XPNPEP3: variants seen among roughly 807,000 people sequenced by gnomAD.
XPNPEP3 encodes the protein X-prolyl aminopeptidase 3.
In XPNPEP3, 41 loss-of-function variants were observed where a neutral mutation model predicts 60.0. The ratio of observed to expected loss-of-function variants is 0.68; its 90% CI spans 0.53 to 0.89. The LOEUF is 0.89. Among genes scored for constraint, XPNPEP3 ranks in the 40% least tolerant of loss-of-function variants. The pLI is 0.00. For synonymous variants in XPNPEP3, 212 were observed against 223.2 expected, an observed-to-expected ratio of 0.95 and a Z score of 0.45; for missense variants, 598 against 638.9, an observed-to-expected ratio of 0.94 and a Z score of 0.69.
chr22:40,863,230 T>C (rs1333121603), intron 1 of XPNPEP3, among the ~76,000 whole-genome samples: 2 of 152,222 alleles, frequency 1.3e-5, no homozygotes, highest in African/African-American at 4.8e-5. Flanking sequence ...ATTTGGAAAT[T>C]CAGTCATGTA....
intron 1 of XPNPEP3, among the ~76,000 whole-genome samples, chr22:40,858,224 G>T (rs1363801044): frequency 1.3e-5 from 2 of 152,078 alleles, no homozygotes; most frequent in African/African-American, 2.4e-5. Flanking sequence ...TCGTGCCTCA[G>T]CCTCCCGAGG....
chr22:40,926,517 T>C lies in XPNPEP3; in HGVS notation c.*82T>C. 6.7e-7 allele frequency: 1 copy of C among 1,490,196 alleles called. No individual in the cohort carries two copies. The highest frequency in any genetic ancestry group is 1.4e-5 in the African/African-American group (1 of 72,502). The allele number at this position is 1,490,196 out of a possible 1,614,324, so 92.3% of individuals were successfully genotyped here. On this transcript the variant is annotated 3_prime_UTR_variant, in exon 10 of 10. Coordinates refer to ENST00000357137, the MANE Select transcript of XPNPEP3 (RefSeq NM_022098.4). ...TGCACGTGTGCTTTCTGAGTGTCTC[T>C]GTGTGTGCATTAATATATGCATTCC...
At chr22:40,925,215 A>G (rs897917015) in intron 9 of XPNPEP3, among the ~76,000 whole-genome samples, 3 of 152,202 alleles carry the variant, frequency 2.0e-5, no homozygotes, top group African/African-American at 7.2e-5. Context: ...CGCCTTCCTC[A>G]TAAGCTTCAG....
chr22:40,903,947 C>T (rs2058144929), intron 4 of XPNPEP3, among the ~76,000 whole-genome samples: 1 of 151,992 alleles, frequency 6.6e-6, no homozygotes, highest in South Asian at 2.1e-4. Context: ...TGCTTTTTCT[C>T]TCTACTCTCC....
At chr22:40,886,661 T>TA (rs2058070098) in intron 4 of XPNPEP3, 146 bp downstream of exon 4, 2 of 678,130 alleles carry the variant, frequency 2.9e-6, no homozygotes, top group Non-Finnish European at 2.5e-6. Flanking sequence ...CCGTCTCTAC[T>TA]AAAAAAACAT....
At chr22:40,915,668 A>G (rs1407654639) in intron 7 of XPNPEP3, among the ~76,000 whole-genome samples, 2 of 152,182 alleles carry the variant, frequency 1.3e-5, no homozygotes, top group Non-Finnish European at 2.9e-5. Context: ...TTATTGATTT[A>G]AGATATCAAA....
intron 1 of XPNPEP3, chr22:40,861,914 T>C (rs1366058609): frequency 6.2e-7 from 1 of 1,613,888 alleles, no homozygotes; most frequent in South Asian, 1.1e-5. Context: ...GCCATTTAAG[T>C]GCCACTTTAT....
intron 9 of XPNPEP3, 146 bp from the exon 10 acceptor site, chr22:40,926,122 AT>A (rs2146283292): frequency 2.4e-6 from 2 of 822,408 alleles, no homozygotes; most frequent in East Asian, 5.0e-5. Flanking sequence ...GTATTATCTC[AT>A]TTAATCCTCA....
chr22:40,877,673 A>C (rs991739504), intron 2 of XPNPEP3, among the ~76,000 whole-genome samples: 1 of 152,152 alleles, frequency 6.6e-6, no homozygotes, highest in African/African-American at 2.4e-5. Flanking sequence ...TTCCATCTTA[A>C]GTGGTTCCAC....
intron 8 of XPNPEP3, among the ~76,000 whole-genome samples, chr22:40,922,785 C>T (rs573955828): frequency 6.6e-5 from 10 of 152,130 alleles, no homozygotes; most frequent in African/African-American, 2.2e-4. Flanking sequence ...TATATACATA[C>T]ACACACAGGG....
intron 4 of XPNPEP3, among the ~76,000 whole-genome samples, chr22:40,892,545 C>T (rs1427344897): frequency 6.6e-6 from 1 of 152,164 alleles, no homozygotes; most frequent in Admixed American, 6.5e-5. Flanking sequence ...TGGCCAGTTG[C>T]TCCTAGCCTG....
intron 3 of XPNPEP3, among the ~76,000 whole-genome samples, chr22:40,882,797 A>G (rs2058053632): frequency 6.6e-6 from 1 of 152,338 alleles, no homozygotes; most frequent in Non-Finnish European, 1.5e-5. Flanking sequence ...GTATAGTCAT[A>G]GAATTGTGCA....
At chr22:40,869,877 A>T (rs1010493689) in intron 2 of XPNPEP3, among the ~76,000 whole-genome samples, 4 of 152,232 alleles carry the variant, frequency 2.6e-5, no homozygotes, top group African/African-American at 9.7e-5. Context: ...TTCAAGGAAA[A>T]TTAATTGTTC....
At chr22:40,865,384 A>G (rs2145771614) in intron 1 of XPNPEP3, among the ~76,000 whole-genome samples, 1 of 145,246 alleles carries the variant, frequency 6.9e-6, no homozygotes. Flanking sequence ...GCTAGAGTAC[A>G]GTGGTGTGAT....
intron 2 of XPNPEP3, among the ~76,000 whole-genome samples, chr22:40,879,615 G>C (rs1243569439): frequency 6.6e-6 from 1 of 151,930 alleles, no homozygotes; most frequent in African/African-American, 2.4e-5. Flanking sequence ...GACTAGGCGG[G>C]CAGATCATTT....
In XPNPEP3 at chr22:40,860,626, G is replaced by A. The variant is rs895433887; in HGVS notation, c.64+3381G>A. On this transcript the variant is annotated intron_variant, in intron 1 of 9. Coordinates refer to ENST00000357137, the MANE Select transcript of XPNPEP3 (RefSeq NM_022098.4). ...AACTCTACTAAAGAAAAATTCAAAA[G>A]TAAAAAACTCATTGCAGTTTTCCAA... 2.4e-5 allele frequency: 31 copies of A among 1,272,366 alleles called. No individual in the cohort carries two copies. In the African/African-American group the frequency reaches 4.5e-4, roughly 18 times the overall value. 78.8% of individuals were successfully genotyped at this position (1,272,366 alleles called of 1,614,324 possible).
chr22:40,906,478 ATTACTT>A lies in XPNPEP3; in HGVS notation c.793-1108_793-1103del. Among the ~76,000 whole-genome samples the A allele has an allele frequency of 2.0e-5, 3 of 152,208 alleles. No individual in the cohort carries two copies. In the South Asian group the frequency reaches 6.2e-4, roughly 32 times the overall value. On this transcript the variant is annotated intron_variant, in intron 4 of 9. Transcript: ENST00000357137. ...GTGGTTATCACAGAGAATTAATAAA[ATTACTT>A]ATACTGTAGGTCAGTGATTCTCAGT...
At chr22:40,899,717 G>A (rs1202058894) in intron 4 of XPNPEP3, among the ~76,000 whole-genome samples, 1 of 151,794 alleles carries the variant, frequency 6.6e-6, no homozygotes, top group African/African-American at 2.4e-5. Context: ...TACTTGGGAG[G>A]CTGAGACAGG....
chr22:40,914,964 G>T (rs1463024706), intron 7 of XPNPEP3, among the ~76,000 whole-genome samples: 1 of 150,674 alleles, frequency 6.6e-6, no homozygotes, highest in East Asian at 2.0e-4. Flanking sequence ...TACAAGGTCA[G>T]CACATTACCC....
Sources: allele counts gnomAD v4.1 joint callset (sites outside exome capture counted in the v4.1 genomes callset), GRCh38; gene constraint gnomAD v4.1.1; transcripts MANE v1.5; gene names NCBI Gene and HGNC (gene_info 2026-07-23, HGNC 2026-07-21).